The following HECTD2 variants were observed in gnomAD, a reference collection of about 807,000 sequenced individuals.
The protein encoded by HECTD2 is HECT domain E3 ubiquitin protein ligase 2, also known as probable E3 ubiquitin-protein ligase HECTD2.
Under a neutral mutation model 103.2 loss-of-function variants are expected in HECTD2, and 35 were observed. That is an observed-to-expected ratio of 0.34 (90% confidence interval 0.26 to 0.45). The LOEUF (loss-of-function observed/expected upper bound fraction) is 0.45, where lower values mean the gene tolerates loss of function less well. HECTD2 is among the 20% of genes least tolerant of loss of function. The probability of loss-of-function intolerance (pLI) is 1.00; values close to 1 mark genes in which losing one functional copy is unlikely to be tolerated. For synonymous variants in HECTD2, 281 were observed against 329.9 expected (o/e 0.85, Z 1.61); for missense variants, 596 against 937.4 (o/e 0.64, Z 4.76).
At chr10:91,436,324 G>C (rs1844116475) in intron 2 of HECTD2, among the ~76,000 whole-genome samples, 2 of 152,062 alleles carry the variant, frequency 1.3e-5, no homozygotes, top group South Asian at 4.1e-4. Flanking sequence ...CCTGTTGATT[G>C]AGGAACCCTG....
chr10:91,415,224 G>A (rs1261165246), intron 1 of HECTD2, among the ~76,000 whole-genome samples: 1 of 151,244 alleles, frequency 6.6e-6, no homozygotes, highest in Admixed American at 6.6e-5. Context: ...GTGTGTGTGT[G>A]TGTGTGTACT....
intron 2 of HECTD2, among the ~76,000 whole-genome samples, chr10:91,427,109 T>G (rs1355160048): frequency 6.7e-6 from 1 of 149,750 alleles, no homozygotes; most frequent in East Asian, 2.0e-4. Flanking sequence ...TGTTTGGTTT[T>G]TTGTCCTTGC....
rs776989954 is a variant in HECTD2, at chr10:91,487,670, CTTG to C, written c.1095-8_1095-6del. The C allele has an allele frequency of 1.3e-6, 2 of 1,582,504 alleles. No homozygotes were observed. Among genetic ancestry groups the C allele is most frequent in the Non-Finnish European group, 1.7e-6 (2 of 1,151,742 alleles). On this transcript the variant is annotated splice_polypyrimidine_tract_variant and intron_variant, in intron 10 of 20. Coordinates refer to ENST00000298068, the MANE Select transcript of HECTD2 (RefSeq NM_182765.6). This position sits in a 1 kb window ranked among gnomAD's most constrained non-coding sequence, Gnocchi z 4.1. ...ACCATTTTGCTTTTTCTTTTTTTCA[CTTG>C]TTGAGCAGGTTTTCCTTCTGTCAGT...
chr10:91,452,830 A>G (rs879792059), intron 2 of HECTD2, among the ~76,000 whole-genome samples: 2 of 152,170 alleles, frequency 1.3e-5, no homozygotes, highest in Non-Finnish European at 2.9e-5. Context: ...TCAATGCAGA[A>G]TCCTATACCT....
At chr10:91,501,372 G>A in intron 20 of HECTD2, 38 bp downstream of exon 20, 1 of 1,346,008 alleles carries the variant, frequency 7.4e-7, no homozygotes, top group Non-Finnish European at 1.0e-6. Context: ...AAATCTAAAG[G>A]TTACTGCTAA....
At chr10:91,482,902 C>T in intron 7 of HECTD2, 65 bp from the exon 8 acceptor site, 2 of 678,988 alleles carry the variant, frequency 2.9e-6, no homozygotes, top group Non-Finnish European at 5.1e-6. Context: ...ACTTATTAAG[C>T]TTAGTGTCTT....
intron 2 of HECTD2, among the ~76,000 whole-genome samples, chr10:91,451,102 C>G (rs1464454862): frequency 6.6e-6 from 1 of 152,128 alleles, no homozygotes; most frequent in African/African-American, 2.4e-5. Flanking sequence ...TTCACAACAG[C>G]AAAGACTGGG....
chr10:91,492,919 A>T (rs1846533265), intron 13 of HECTD2, among the ~76,000 whole-genome samples: 1 of 151,964 alleles, frequency 6.6e-6, no homozygotes, highest in Non-Finnish European at 1.5e-5. Context: ...AAGCCTTTGA[A>T]ATTTTTTATT....
chr10:91,425,909 A>T (rs1336656939), intron 2 of HECTD2, among the ~76,000 whole-genome samples: 2 of 151,968 alleles, frequency 1.3e-5, no homozygotes, highest in Non-Finnish European at 1.5e-5. Context: ...AAAAAGATAA[A>T]TGGAAAAAAT....
chr10:91,513,145 T>G lies in HECTD2; in HGVS notation c.*761T>G, dbSNP rs1225653575. The stretch of plus-strand genomic sequence containing the variant: ...GTCTGCATGCACATTGGCAGTAAAC[T>G]AGTTACTTGTGTACTCTGTAATATT... On this transcript the variant is annotated 3_prime_UTR_variant, in exon 21 of 21. Coordinates refer to ENST00000298068, the MANE Select transcript of HECTD2 (RefSeq NM_182765.6). 1 of 152,668 alleles carries G rather than the reference T, an allele frequency of 6.6e-6. No homozygotes were observed. Among genetic ancestry groups the G allele is most frequent in the South Asian group, 2.1e-4 (1 of 4,832 alleles). 9.5% of individuals were successfully genotyped at this position (152,668 alleles called of 1,614,324 possible).
intron 2 of HECTD2, among the ~76,000 whole-genome samples, chr10:91,430,100 A>G (rs1172656267): frequency 2.6e-5 from 4 of 152,214 alleles, no homozygotes; most frequent in African/African-American, 9.7e-5. Flanking sequence ...GTTGGTTTCA[A>G]AGAACATCTT....
intron 2 of HECTD2, among the ~76,000 whole-genome samples, chr10:91,458,037 A>C (rs191910779): frequency 0.077 from 11,366 of 148,182 alleles, 1,242 homozygotes; most frequent in African/African-American, 0.24. Context: ...AAAAAAAAAA[A>C]CCCATGAAAT....
intron 20 of HECTD2, among the ~76,000 whole-genome samples, chr10:91,508,830 T>C (rs1317853125): frequency 6.6e-6 from 1 of 152,058 alleles, no homozygotes; most frequent in Non-Finnish European, 1.5e-5. Flanking sequence ...CACACATATG[T>C]TTATTGCGGT....
chr10:91,410,585 TG>T lies in HECTD2; in HGVS notation c.138+12del. On this transcript the variant is annotated intron_variant, in intron 1 of 20. Coordinates refer to ENST00000298068, the MANE Select transcript of HECTD2 (RefSeq NM_182765.6). ...GCGCCGGCGCGACCGCGGTAGGTGG[TG>T]GGCCGGGGCCGTCTGGCGCCCCGGA... is the stretch of plus-strand genomic sequence containing the variant. 7.5e-7 allele frequency: 1 copy of T among 1,339,818 alleles called. No homozygotes were observed. Among genetic ancestry groups the T allele is most frequent in the South Asian group, 1.6e-5 (1 of 62,350 alleles). The allele number at this position is 1,339,818 out of a possible 1,614,324, so 83.0% of individuals were successfully genotyped here.
chr10:91,450,856 A>C (rs1041916843), intron 2 of HECTD2, among the ~76,000 whole-genome samples: 2 of 152,154 alleles, frequency 1.3e-5, no homozygotes, highest in African/African-American at 4.8e-5. Context: ...ATCAGTAAAA[A>C]GTCAGGAAAT....
chr10:91,472,586 TA>T (rs1845766313), intron 5 of HECTD2, among the ~76,000 whole-genome samples: 1 of 151,890 alleles, frequency 6.6e-6, no homozygotes, highest in Non-Finnish European at 1.5e-5. Context: ...CCAGAATCTA[TA>T]AAAAACTGAA....
At position 91,455,159 on chromosome 10, in the gene HECTD2, T is replaced by C. The variant is rs1845027310; in HGVS notation, c.269-5268T>C. 2.0e-5 allele frequency among the ~76,000 whole-genome samples: 3 copies of C among 152,300 alleles called. No individual in the cohort carries two copies. The South Asian group carries it at 6.2e-4, about 32-fold the overall frequency. ...GGAATCGCCACACTGTCTTCCACAATGGTTGAACTAGTTTACAGTCCCACA... is the reference window on the plus strand; with the variant it reads ...GGAATCGCCACACTGTCTTCCACAACGGTTGAACTAGTTTACAGTCCCACA... On this transcript the variant is annotated intron_variant, in intron 2 of 20. Coordinates refer to ENST00000298068, the MANE Select transcript of HECTD2 (RefSeq NM_182765.6).
At chr10:91,490,665 G>T (rs1368813712) in intron 11 of HECTD2, among the ~76,000 whole-genome samples, 1 of 151,776 alleles carries the variant, frequency 6.6e-6, no homozygotes, top group Non-Finnish European at 1.5e-5. Context: ...GCCGAGGCGG[G>T]CGGATCACGA....
At chr10:91,462,070 C>T (rs970788160) in intron 4 of HECTD2, 25 bp from the exon 5 acceptor site, 3 of 1,507,902 alleles carry the variant, frequency 2.0e-6, no homozygotes, top group African/African-American at 1.4e-5. Flanking sequence ...GTTGAATATA[C>T]TTAATTCTTA....
Sources: allele counts gnomAD v4.1 joint callset (sites outside exome capture counted in the v4.1 genomes callset), GRCh38; gene constraint gnomAD v4.1.1; non-coding constraint Gnocchi (gnomAD v3.1); transcripts MANE v1.5; gene names NCBI Gene and HGNC (gene_info 2026-07-23, HGNC 2026-07-21).